The following AIG1 variants were observed in gnomAD, a reference collection of about 807,000 sequenced individuals.
The protein encoded by AIG1 is androgen induced 1.
A neutral mutation model predicts 31.4 loss-of-function variants in AIG1; 23 were observed. The observed-to-expected ratio is 0.73, with a 90% confidence interval of 0.53 to 1.04. The LOEUF (loss-of-function observed/expected upper bound fraction) is 1.04, where lower values mean the gene tolerates loss of function less well. Ranked by LOEUF, AIG1 falls within the 50% of genes least tolerant of loss-of-function variation. AIG1 has a pLI of 0.00. For synonymous variants in AIG1, 100 were observed against 110.5 expected, an observed-to-expected ratio of 0.90 and a Z score of 0.60; for missense variants, 274 against 295.0, an observed-to-expected ratio of 0.93 and a Z score of 0.52.
At chr6:143,112,290 A>G (rs1781342143) in intron 1 of AIG1, among the ~76,000 whole-genome samples, 2 of 151,808 alleles carry the variant, frequency 1.3e-5, no homozygotes, top group Admixed American at 6.6e-5. Flanking sequence ...GTGGTTTCTT[A>G]CTCATTCTCC....
chr6:143,315,652 C>T (rs763754061), intron 4 of AIG1, among the ~76,000 whole-genome samples: 3 of 152,072 alleles, frequency 2.0e-5, no homozygotes, highest in African/African-American at 7.2e-5. Flanking sequence ...AAATCTTACA[C>T]CTTTCACAAA....
At chr6:143,182,688 C>T (rs1192348170) in intron 3 of AIG1, among the ~76,000 whole-genome samples, 1 of 152,172 alleles carries the variant, frequency 6.6e-6, no homozygotes, top group Non-Finnish European at 1.5e-5. Context: ...TATTGTCTAT[C>T]TTCCCTTGCT....
In AIG1 at chr6:143,313,367, C is replaced by T. The variant is rs117635593; in HGVS notation, c.516-19915C>T. Among the ~76,000 whole-genome samples the T allele has an allele frequency of 7.1e-3, 1,077 of 152,236 alleles. 7 individuals carry two copies. Among genetic ancestry groups the T allele is most frequent in the Non-Finnish European group, 0.011 (775 of 68,000 alleles). On this transcript the variant is annotated intron_variant, in intron 4 of 5. Coordinates refer to ENST00000357847, the MANE Select transcript of AIG1 (RefSeq NM_016108.4). ...TACATATACACAATGGAGTACTACT[C>T]AGCCATGAAAAGAAGGAGGTTCTGC...
chr6:143,302,745 C>T (rs534357110), intron 4 of AIG1, among the ~76,000 whole-genome samples: 238 of 152,244 alleles, frequency 1.6e-3, no homozygotes, highest in African/African-American at 4.8e-3. Context: ...TATCCAGTAA[C>T]GGGATGGCTG....
chr6:143,316,175 C>A (rs1311052458), intron 4 of AIG1, among the ~76,000 whole-genome samples: 1 of 151,892 alleles, frequency 6.6e-6, no homozygotes, highest in Non-Finnish European at 1.5e-5. Flanking sequence ...TTAGGGAACC[C>A]AAGAAAAAGG....
intron 3 of AIG1, among the ~76,000 whole-genome samples, chr6:143,272,858 C>A (rs1362283076): frequency 6.6e-6 from 1 of 152,126 alleles, no homozygotes; most frequent in South Asian, 2.1e-4. Flanking sequence ...TGGCCAGGCG[C>A]GGTGGCTCAT....
rs76657490 is a variant in AIG1 at position 143,331,648 on chromosome 6, A to G, written c.516-1634A>G. 0.027 allele frequency among the ~76,000 whole-genome samples: 4,159 copies of G among 151,652 alleles called. 76 individuals carry two copies. Among genetic ancestry groups the G allele is most frequent in the Non-Finnish European group, 0.044 (2,995 of 67,884 alleles). On this transcript the variant is annotated intron_variant, in intron 4 of 5. Coordinates refer to ENST00000357847, the MANE Select transcript of AIG1 (RefSeq NM_016108.4). The surrounding 1 kb of genome is among the most constrained non-coding windows in gnomAD (Gnocchi z 4.1). ...CATATATGTACATCTGTGTGTGTGT[A>G]TATATGTGTGTGTGTATATGTGTGT...
At chr6:143,265,352 C>A (rs1255665259) in intron 3 of AIG1, among the ~76,000 whole-genome samples, 3 of 152,182 alleles carry the variant, frequency 2.0e-5, no homozygotes, top group Non-Finnish European at 2.9e-5. Flanking sequence ...CATTTATATT[C>A]ATATTATACT....
At chr6:143,214,479 A>G (rs1325789928) in intron 3 of AIG1, among the ~76,000 whole-genome samples, 1 of 152,176 alleles carries the variant, frequency 6.6e-6, no homozygotes, top group Non-Finnish European at 1.5e-5. Context: ...GGGTGAGTGG[A>G]TCTTCTTGTG....
At chr6:143,085,046 T>A (rs1778635867) in intron 1 of AIG1, among the ~76,000 whole-genome samples, 1 of 152,184 alleles carries the variant, frequency 6.6e-6, no homozygotes, top group Admixed American at 6.5e-5. Context: ...TAACATTACA[T>A]CTCTCCATGT....
At chr6:143,210,862 A>G (rs1258275297) in intron 3 of AIG1, among the ~76,000 whole-genome samples, 1 of 152,210 alleles carries the variant, frequency 6.6e-6, no homozygotes, top group African/African-American at 2.4e-5. Context: ...TTTGACTAAA[A>G]ATATTAACAT....
intron 3 of AIG1, among the ~76,000 whole-genome samples, chr6:143,264,558 G>C (rs1796023601): frequency 6.6e-6 from 1 of 152,154 alleles, no homozygotes; most frequent in Non-Finnish European, 1.5e-5. Context: ...CACAAGGTGG[G>C]GGACCAGATG....
rs549057657 is a variant in AIG1, at chr6:143,238,861, C to T, written c.400-45249C>T. ...TGCCACTAAGAGACTCCTATAAAAT[C>T]TGTATGACTAGCTTGTATTTGAAAT... On this transcript the variant is annotated intron_variant, in intron 3 of 5. Transcript: ENST00000357847. Among the ~76,000 whole-genome samples the T allele has an allele frequency of 2.6e-5, 4 of 152,326 alleles. No individual in the cohort carries two copies. The South Asian group carries it at 8.3e-4, about 32-fold the overall frequency.
intron 1 of AIG1, among the ~76,000 whole-genome samples, chr6:143,086,462 T>C (rs901906151): frequency 1.3e-5 from 2 of 152,150 alleles, no homozygotes; most frequent in Non-Finnish European, 2.9e-5. Flanking sequence ...GTTATGTTGT[T>C]GTAGACCCAG....
At chr6:143,147,642 C>A (rs753691498) in intron 2 of AIG1, among the ~76,000 whole-genome samples, 1 of 152,052 alleles carries the variant, frequency 6.6e-6, no homozygotes. Context: ...AATAAAGCAA[C>A]GTTTTGGTCT....
At chr6:143,314,020 G>T (rs1451132134) in intron 4 of AIG1, among the ~76,000 whole-genome samples, 1 of 151,630 alleles carries the variant, frequency 6.6e-6, no homozygotes, top group African/African-American at 2.4e-5. Context: ...AAGACAAGAA[G>T]AGGAAATAAA....
chr6:143,335,172 A>ACTT, intron 5 of AIG1: 1 of 1,311,350 alleles, frequency 7.6e-7, no homozygotes, highest in Non-Finnish European at 9.8e-7. Flanking sequence ...GCCTCCCCCA[A>ACTT]CTTCTACCTA....
intron 1 of AIG1, among the ~76,000 whole-genome samples, chr6:143,083,504 A>G (rs1247144304): frequency 1.3e-5 from 2 of 152,194 alleles, no homozygotes; most frequent in Non-Finnish European, 2.9e-5. Flanking sequence ...TGCTTCCTCT[A>G]GTATTTGGGA....
chr6:143,214,222 G>A (rs781205604), intron 3 of AIG1, among the ~76,000 whole-genome samples: 1 of 152,142 alleles, frequency 6.6e-6, no homozygotes, highest in Non-Finnish European at 1.5e-5. Flanking sequence ...ACTGAATTTA[G>A]GGTGACCAGT....
Sources: allele counts gnomAD v4.1 joint callset (sites outside exome capture counted in the v4.1 genomes callset), GRCh38; gene constraint gnomAD v4.1.1; non-coding constraint Gnocchi (gnomAD v3.1); transcripts MANE v1.5; gene names NCBI Gene and HGNC (gene_info 2026-07-23, HGNC 2026-07-21).